The following CEP295 variants were observed in gnomAD, a reference collection of about 807,000 sequenced individuals.
CEP295 encodes the protein centrosomal protein of 295 kDa.
A neutral mutation model predicts 291.6 loss-of-function variants in CEP295; 190 were observed. The observed-to-expected ratio is 0.65, with a 90% CI of 0.58 to 0.73. CEP295 has a LOEUF of 0.73. Among genes scored for constraint, CEP295 ranks in the 30% least tolerant of loss-of-function variants. CEP295 has a pLI of 0.00. For synonymous variants in CEP295, 993 were observed against 1,038.8 expected, an observed-to-expected ratio of 0.96 and a Z score of 0.85; for missense variants, 2,863 against 2,949.4, an observed-to-expected ratio of 0.97 and a Z score of 0.68.
rs930474836 is a variant in CEP295, at chr11:93,727,453, G to A, written c.6977G>A (p.Arg2326Lys). The A allele has an allele frequency of 6.4e-7, 1 of 1,551,824 alleles. No individual in the cohort carries two copies. Among genetic ancestry groups the A allele is most frequent in the Admixed American group, 2.0e-5 (1 of 50,986 alleles). The change falls in exon 24 of 30, where the codon AGA (arginine) becomes AAA (lysine). Residue 2326 changes from arginine to lysine, a missense_variant. By Grantham distance (26) the Arg-to-Lys change is conservative. Coordinates refer to ENST00000325212, the MANE Select transcript of CEP295 (RefSeq NM_033395.2). The part of the protein sequence containing the change: ...VEETDSRLCV[R>K]TVEMGTSIQA... ...GAAACTGACTCTCGATTATGTGTAAGAACAGTGGAGATGGGAACTTCAATT... is the reference window on the plus strand; with the variant it reads ...GAAACTGACTCTCGATTATGTGTAAAAACAGTGGAGATGGGAACTTCAATT...
Position 93,691,944 on chromosome 11 carries a change from C to T in CEP295, c.1447C>T (p.Pro483Ser). Residue 483 changes from proline to serine, a missense_variant, in exon 12 of 30, where the codon CCT (proline) becomes TCT (serine). Physicochemically the swap from Pro to Ser is moderately conservative, Grantham distance 74 (BLOSUM62 -1). Transcript: ENST00000325212. ...GKEQEINETLPITTVAQSSVL... is the reference protein window; with the variant it reads ...GKEQEINETLSITTVAQSSVL... ...TCCCCTAGAAATAAATGAGACTCTG[C>T]CTATCACAACTGTAGCTCAGAGTTC... The T allele has an allele frequency of 1.3e-6, 2 of 1,540,748 alleles. No homozygotes were observed. Among genetic ancestry groups the T allele is most frequent in the South Asian group, 1.2e-5 (1 of 82,480 alleles).
At chr11:93,728,909 AG>A (rs1183864712) in intron 25 of CEP295, 88 bp downstream of exon 25, 5 of 1,218,880 alleles carry the variant, frequency 4.1e-6, no homozygotes, top group Non-Finnish European at 5.6e-6. Context: ...TACTCATTGG[AG>A]GGAATTATGC....
intron 17 of CEP295, among the ~76,000 whole-genome samples, chr11:93,705,386 C>T (rs1952448289): frequency 6.6e-6 from 1 of 152,172 alleles, no homozygotes; most frequent in East Asian, 1.9e-4. Context: ...TCTAAAAAGA[C>T]TCCTTAAGGG....
chr11:93,689,282 A>G (rs982754423), intron 10 of CEP295, among the ~76,000 whole-genome samples: 1 of 152,174 alleles, frequency 6.6e-6, no homozygotes, highest in African/African-American at 2.4e-5. Context: ...GAGAGTTTAT[A>G]GTGGTTTCAA....
chr11:93,686,366 A>G (rs527526368), intron 9 of CEP295, among the ~76,000 whole-genome samples: 2 of 151,804 alleles, frequency 1.3e-5, no homozygotes, highest in South Asian at 4.2e-4. Context: ...TTTTTCAGTT[A>G]TTTTCATTGG....
At chr11:93,676,031 A>C (rs562887560) in intron 6 of CEP295, among the ~76,000 whole-genome samples, 1 of 152,094 alleles carries the variant, frequency 6.6e-6, no homozygotes, top group Non-Finnish European at 1.5e-5. Flanking sequence ...TAATAAATTC[A>C]TTATAACCTT....
Position 93,730,163 on chromosome 11 carries a change from G to A in CEP295, c.7767+15G>A. 4 of 1,550,968 alleles carry A rather than the reference G, an allele frequency of 2.6e-6. No homozygotes were observed. Among genetic ancestry groups the A allele is most frequent in the Non-Finnish European group, 3.5e-6 (4 of 1,146,700 alleles). On this transcript the variant is annotated intron_variant, in intron 29 of 29. Coordinates refer to ENST00000325212, the MANE Select transcript of CEP295 (RefSeq NM_033395.2). The stretch of plus-strand genomic sequence containing the variant: ...AATTCCATAAGGTGAGTATAACTGA[G>A]GGAGAAGGACTTAATTTTTCAAGCA...
At chr11:93,683,467 C>T (rs1165301559) in intron 7 of CEP295, 92 bp from the exon 8 acceptor site, 1 of 887,980 alleles carries the variant, frequency 1.1e-6, no homozygotes, top group Non-Finnish European at 1.7e-6. Flanking sequence ...GAAGCTTAGA[C>T]CCTGATCCTC....
chr11:93,677,381 G>A (rs1459869206), intron 6 of CEP295, among the ~76,000 whole-genome samples: 1 of 152,112 alleles, frequency 6.6e-6, no homozygotes, highest in East Asian at 1.9e-4. Flanking sequence ...TTGTGTGTGT[G>A]TGTGTTTTTA....
intron 5 of CEP295, among the ~76,000 whole-genome samples, chr11:93,672,527 A>G (rs890691611): frequency 3.3e-5 from 5 of 151,932 alleles, no homozygotes; most frequent in African/African-American, 1.2e-4. Flanking sequence ...GGCTAAAGCA[A>G]TCCTCCTGCT....
intron 5 of CEP295, among the ~76,000 whole-genome samples, chr11:93,670,740 A>G (rs1950404535): frequency 6.6e-6 from 1 of 152,206 alleles, no homozygotes; most frequent in African/African-American, 2.4e-5. Flanking sequence ...AAGCCAGGCA[A>G]TGTATTATCC....
Position 93,726,973 on chromosome 11 carries a change from C to T in CEP295, c.6500-3C>T, listed in dbSNP as rs771393754. 1.1e-5 allele frequency: 17 copies of T among 1,490,828 alleles called. No individual in the cohort carries two copies. Among genetic ancestry groups the T allele is most frequent in the East Asian group, 5.0e-5 (2 of 40,306 alleles). The allele number at this position is 1,490,828 out of a possible 1,614,324, so 92.3% of individuals were successfully genotyped here. A position where few individuals can be genotyped will look rare whatever the true frequency, so the allele number is the denominator to read the frequency against. ...TAACTGATTTTTGAATTTCTTAATGCAGGATCTGAACAATGTTTTGAACAG... is the reference window on the plus strand; with the variant it reads ...TAACTGATTTTTGAATTTCTTAATGTAGGATCTGAACAATGTTTTGAACAG... On this transcript the variant is annotated splice_polypyrimidine_tract_variant and splice_region_variant and intron_variant, in intron 23 of 29. Transcript: ENST00000325212.
At chr11:93,729,842 C>A (rs899390566) in intron 27 of CEP295, 28 bp from the exon 28 acceptor site, 3 of 1,536,364 alleles carry the variant, frequency 2.0e-6, no homozygotes, top group Non-Finnish European at 2.6e-6. Context: ...CTTGTGTTTA[C>A]AACTTGATTT....
intron 18 of CEP295, among the ~76,000 whole-genome samples, chr11:93,708,588 A>T (rs551037135): frequency 5.3e-5 from 8 of 152,024 alleles, no homozygotes; most frequent in Non-Finnish European, 8.8e-5. Context: ...AATCTTGGCT[A>T]TTGTGAACAG....
intron 10 of CEP295, 93 bp from the exon 11 acceptor site, chr11:93,691,590 A>T: frequency 1.3e-6 from 1 of 758,422 alleles, no homozygotes; most frequent in Non-Finnish European, 2.2e-6. Flanking sequence ...AGATGGCCCT[A>T]GATTGAATGT....
rs1443308865 is a variant in CEP295, at chr11:93,702,930, G to A, written c.5596+11G>A. 2.6e-5 allele frequency: 39 copies of A among 1,522,416 alleles called. No individual in the cohort carries two copies. The highest frequency in any genetic ancestry group is 3.4e-5 in the Non-Finnish European group (39 of 1,136,948). The allele number at this position is 1,522,416 out of a possible 1,614,324, so 94.3% of individuals were successfully genotyped here. A position where few individuals can be genotyped will look rare whatever the true frequency, so the allele number is the denominator to read the frequency against. On this transcript the variant is annotated intron_variant, in intron 17 of 29. Transcript: ENST00000325212. The stretch of plus-strand genomic sequence containing the variant: ...GAACTTCTATACTAGGTAAATAGAT[G>A]CTTTGATAAAACAAGATTTTTAAAT...
Position 93,683,947 on chromosome 11 carries a change from T to G in CEP295, c.950-17T>G. ...TCATTTTGGAATGGAAACGTGTCTC[T>G]ATTTTTCTTTTTTAAGAGGTGAAAG... On this transcript the variant is annotated splice_polypyrimidine_tract_variant and intron_variant, in intron 8 of 29. Transcript: ENST00000325212. The G allele has an allele frequency of 6.5e-7, 1 of 1,540,102 alleles. No homozygotes were observed. Among genetic ancestry groups the G allele is most frequent in the Non-Finnish European group, 8.7e-7 (1 of 1,144,316 alleles).
intron 1 of CEP295, among the ~76,000 whole-genome samples, chr11:93,664,290 C>A (rs1245023868): frequency 6.6e-6 from 1 of 152,132 alleles, no homozygotes; most frequent in East Asian, 1.9e-4. Context: ...AAAATTTTCG[C>A]CACTCCACAT....
chr11:93,710,295 T>C (rs1213859733), intron 18 of CEP295, among the ~76,000 whole-genome samples: 1 of 152,156 alleles, frequency 6.6e-6, no homozygotes, highest in Non-Finnish European at 1.5e-5. Context: ...TATTGTGTTA[T>C]GTTCCTTCTG....
Sources: allele counts gnomAD v4.1 joint callset (sites outside exome capture counted in the v4.1 genomes callset), GRCh38; gene constraint gnomAD v4.1.1; transcripts MANE v1.5; gene names NCBI Gene and HGNC (gene_info 2026-07-23, HGNC 2026-07-21).